Variants in P2RY8 observed in about 807,000 individuals in gnomAD.
The protein encoded by P2RY8 is S-geranylgeranyl-glutathione receptor P2RY8.
In P2RY8, 6 loss-of-function variants were observed where a neutral mutation model predicts 10.0. The ratio of observed to expected loss-of-function variants is 0.60; its 90% CI spans 0.33 to 1.19. The LOEUF (loss-of-function observed/expected upper bound fraction) is 1.19, where lower values mean the gene tolerates loss of function less well. Ranked by LOEUF, P2RY8 falls within the 50% of genes most tolerant of loss-of-function variation. The pLI, the probability that P2RY8 is intolerant of heterozygous loss-of-function variation, is 0.04. For missense variants in P2RY8, 456 were observed against 542.0 expected, an observed-to-expected ratio of 0.84 and a Z score of 1.58; for synonymous variants, 276 against 252.5, an observed-to-expected ratio of 1.09 and a Z score of -0.88.
chrX:1,505,480 A>AAGCT (rs2092223834), intron 1 of P2RY8, among the ~76,000 whole-genome samples: 1 of 152,174 alleles, frequency 6.6e-6, no homozygotes, highest in Non-Finnish European at 1.5e-5. Context: ...ACTGAAGATG[A>AAGCT]AGCTAGGTGT....
In P2RY8 at chrX:1,504,272, C is replaced by T. The variant is rs765839239; in HGVS notation, c.-25+32649G>A. Among the ~76,000 whole-genome samples, 46 of 150,704 alleles carry T rather than the reference C, an allele frequency of 3.1e-4. 1 individual carries two copies. The East Asian group carries it at 7.7e-3, about 25-fold the overall frequency. On this transcript the variant is annotated intron_variant, in intron 1 of 1. Coordinates refer to ENST00000381297, the MANE Select transcript of P2RY8 (RefSeq NM_178129.5). ...CGGAGGTTGCGGTGAGCCGAGATGG[C>T]GCCACTGCACTCCAGCCTGGGCAAC... is the stretch of plus-strand genomic sequence containing the variant.
At chrX:1,475,904 G>A (rs774748236) in intron 1 of P2RY8, among the ~76,000 whole-genome samples, 4 of 152,280 alleles carry the variant, frequency 2.6e-5, no homozygotes, top group South Asian at 4.1e-4. Context: ...AAGCCCAGGA[G>A]GAATGGCTGC....
chrX:1,533,196 G>A (rs181973712), intron 1 of P2RY8, among the ~76,000 whole-genome samples: 2 of 150,564 alleles, frequency 1.3e-5, no homozygotes, highest in Admixed American at 6.7e-5. Context: ...GAACTTCCTC[G>A]TGTAACCAAA....
In P2RY8 at chrX:1,466,227, A is replaced by G; in HGVS notation, c.332T>C (p.Ile111Thr). Residue 111 changes from isoleucine to threonine, a missense_variant, in exon 2 of 2, where the codon ATC becomes ACC. Physicochemically the swap from Ile to Thr is moderately conservative, Grantham distance 89. Transcript: ENST00000381297. ...VAFYANMYSS[I>T]LTMTCISVER... ...CACGCTGATACAGGTCATGGTGAGG[A>G]TGCTGGAATACATGTTTGCGTAAAA... 6.2e-7 allele frequency: 1 copy of G among 1,613,604 alleles called. No homozygotes were observed. The highest frequency in any genetic ancestry group is 8.5e-7 in the Non-Finnish European group (1 of 1,179,736).
chrX:1,516,395 C>A (rs1467421040), intron 1 of P2RY8, among the ~76,000 whole-genome samples: 3 of 151,940 alleles, frequency 2.0e-5, no homozygotes, highest in Non-Finnish European at 2.9e-5. Context: ...AGGAACCAGC[C>A]CTGCCCACAC....
rs746551984 is a variant in P2RY8 at position 1,505,722 on chromosome X, G to A, written c.-25+31199C>T. ...GGAGAATCGCTTGAACCAGGGAGGC[G>A]GAGGTTGCAGTGAGCCGACATGGCG... On this transcript the variant is annotated intron_variant, in intron 1 of 1. Coordinates refer to ENST00000381297, the MANE Select transcript of P2RY8 (RefSeq NM_178129.5). Among the ~76,000 whole-genome samples the A allele has an allele frequency of 1.2e-4, 18 of 151,946 alleles. No individual in the cohort carries two copies. The East Asian group carries it at 1.4e-3, about 11-fold the overall frequency.
At chrX:1,524,597 T>TATC (rs2092421624) in intron 1 of P2RY8, among the ~76,000 whole-genome samples, 4 of 17,250 alleles carry the variant, frequency 2.3e-4, no homozygotes, top group Admixed American at 5.6e-4. Flanking sequence ...ATCCATCCAT[T>TATC]CATCCATCTA....
chrX:1,466,564 A>AG lies in P2RY8; in HGVS notation c.-7dup. On this transcript the variant is annotated 5_prime_UTR_variant, in exon 2 of 2. Coordinates refer to ENST00000381297, the MANE Select transcript of P2RY8 (RefSeq NM_178129.5). ...GTGCTGTTCGGGACCTGCATCCTGG[A>AG]GGGGTCCTCGCCCGGGCTCTGCAAG... The AG allele has an allele frequency of 6.2e-7, 1 of 1,601,574 alleles. No homozygotes were observed. Among genetic ancestry groups the AG allele is most frequent in the Non-Finnish European group, 8.5e-7 (1 of 1,176,908 alleles).
chrX:1,478,774 G>A (rs762898758), intron 1 of P2RY8, among the ~76,000 whole-genome samples: 9 of 152,148 alleles, frequency 5.9e-5, no homozygotes, highest in Admixed American at 2.0e-4. Context: ...CACTGCTCCC[G>A]GTACAGGTAT....
chrX:1,529,434 G>A (rs2092459109), intron 1 of P2RY8, among the ~76,000 whole-genome samples: 1 of 152,056 alleles, frequency 6.6e-6, no homozygotes, highest in African/African-American at 2.4e-5. Flanking sequence ...GTTCAGAATT[G>A]CGGGAGATTC....
intron 1 of P2RY8, among the ~76,000 whole-genome samples, chrX:1,514,172 G>C (rs1176371383): frequency 6.6e-6 from 1 of 152,054 alleles, no homozygotes; most frequent in Non-Finnish European, 1.5e-5. Flanking sequence ...AACCAAGATG[G>C]ATTATCTCCC....
At chrX:1,478,489 A>T (rs113296593) in intron 1 of P2RY8, among the ~76,000 whole-genome samples, 13,650 of 151,212 alleles carry the variant, frequency 0.09, 1,106 homozygotes, top group African/African-American at 0.22. Flanking sequence ...TTATTTATTT[A>T]TTTTTTTGAG....
chrX:1,500,833 C>T (rs760244574), intron 1 of P2RY8, among the ~76,000 whole-genome samples: 5 of 152,212 alleles, frequency 3.3e-5, no homozygotes, highest in East Asian at 3.9e-4. Flanking sequence ...AATGGGCTGC[C>T]GTGGACATAG....
chrX:1,504,287 G>C (rs1161902722), intron 1 of P2RY8, among the ~76,000 whole-genome samples: 1 of 149,952 alleles, frequency 6.7e-6, no homozygotes, highest in African/African-American at 2.5e-5. Flanking sequence ...CTGCACTCCA[G>C]CCTGGGCAAC....
intron 1 of P2RY8, among the ~76,000 whole-genome samples, chrX:1,522,266 G>A (rs1389426016): frequency 1.3e-5 from 2 of 148,490 alleles, no homozygotes; most frequent in African/African-American, 5.0e-5. Context: ...TCTTTTTCTC[G>A]CTTAAAAAAA....
intron 1 of P2RY8, among the ~76,000 whole-genome samples, chrX:1,507,993 C>T (rs1436251733): frequency 2.0e-5 from 3 of 152,126 alleles, no homozygotes; most frequent in South Asian, 2.1e-4. Flanking sequence ...ACCTCCCTGC[C>T]GCCTCCCCCA....
chrX:1,498,368 T>C (rs183897072), intron 1 of P2RY8, among the ~76,000 whole-genome samples: 51,144 of 129,696 alleles, frequency 0.39, 10,807 homozygotes, highest in Admixed American at 0.54. Context: ...ATCGCGCCAC[T>C]GCACTCCAGC....
intron 1 of P2RY8, among the ~76,000 whole-genome samples, chrX:1,528,145 C>T (rs2149414178): frequency 6.6e-6 from 1 of 152,320 alleles, no homozygotes; most frequent in Admixed American, 6.5e-5. Context: ...CTAGAAGTTT[C>T]CTGTGTTCAT....
In P2RY8 at chrX:1,465,862, T is replaced by C. The variant is rs1385611126; in HGVS notation, c.697A>G (p.Arg233Gly). 5 of 1,612,514 alleles carry C rather than the reference T, an allele frequency of 3.1e-6. No homozygotes were observed. The highest frequency in any genetic ancestry group is 3.4e-6 in the Non-Finnish European group (4 of 1,179,632). The stretch of plus-strand genomic sequence containing the variant: ...ACCGCGGCCAGGCCCACCGCGCGCC[T>C]CCGCTGCTCCCGGCCGTGCGCCTCC... Reference protein sequence around the residue: ...TEEAHGREQRRRAVGLAAVVL... With the variant: ...TEEAHGREQRGRAVGLAAVVL... Residue 233 changes from arginine (R) to glycine (G), a missense_variant, in exon 2 of 2, where the codon AGG becomes GGG. Arg to Gly is a moderately radical substitution (Grantham distance 125). Coordinates refer to ENST00000381297, the MANE Select transcript of P2RY8 (RefSeq NM_178129.5).
Sources: allele counts gnomAD v4.1 joint callset (sites outside exome capture counted in the v4.1 genomes callset), GRCh38; gene constraint gnomAD v4.1.1; transcripts MANE v1.5; gene names NCBI Gene and HGNC (gene_info 2026-07-23, HGNC 2026-07-21).